Variants in SLC2A4 observed in about 807,000 individuals in gnomAD.
The protein encoded by SLC2A4 is solute carrier family 2 member 4.
Under a neutral mutation model 53.3 loss-of-function variants are expected in SLC2A4, and 31 were observed. That is an observed-to-expected ratio of 0.58 (90% CI 0.44 to 0.78). The LOEUF (loss-of-function observed/expected upper bound fraction) is 0.78, where lower values mean the gene tolerates loss of function less well. Among genes scored for constraint, SLC2A4 ranks in the 30% least tolerant of loss-of-function variants. The pLI is 0.00. For synonymous variants in SLC2A4, 276 were observed against 281.9 expected (o/e 0.98, Z 0.21); for missense variants, 538 against 655.7 (o/e 0.82, Z 1.96).
Position 7,282,430 on chromosome 17 carries a change from G to A in SLC2A4, c.33+463G>A, listed in dbSNP as rs1413380056. 1 of 457,530 alleles carries A rather than the reference G, an allele frequency of 2.2e-6. No homozygotes were observed. The highest frequency in any genetic ancestry group is 6.9e-5 in the East Asian group (1 of 14,478). The allele number at this position is 457,530 out of a possible 1,614,324, so 28.3% of individuals were successfully genotyped here. ...CGCTGAACTTTCCCTTGGCCCCATG[G>A]TTGGTGGAGGGGCAGAGGGGACTGT... On this transcript the variant is annotated intron_variant, in intron 1 of 10. Coordinates refer to ENST00000317370, the MANE Select transcript of SLC2A4 (RefSeq NM_001042.3). The surrounding 1 kb of genome is among the most constrained non-coding windows in gnomAD (Gnocchi z 4.1).
Position 7,285,176 on chromosome 17 carries a change from C to T in SLC2A4, c.1109C>T (p.Ala370Val). ...MCGCAILMTV[A>V]LLLLERVPAM... ...GGCTGTGCCATCCTGATGACTGTGG[C>T]TCTGCTCCTGCTGGTAAGGCCTGGA... Residue 370 changes from alanine (A) to valine (V), a missense_variant, in exon 9 of 11, where the codon GCT becomes GTT. Ala to Val is a moderately conservative substitution (Grantham distance 64, BLOSUM62 0). Coordinates refer to ENST00000317370, the MANE Select transcript of SLC2A4 (RefSeq NM_001042.3). The surrounding 1 kb of genome is among the most constrained non-coding windows in gnomAD (Gnocchi z 6.0). 2 of 1,599,264 alleles carry T rather than the reference C, an allele frequency of 1.3e-6. No homozygotes were observed. The highest frequency in any genetic ancestry group is 2.3e-5 in the South Asian group (2 of 88,508).
At position 7,281,997 on chromosome 17, in the gene SLC2A4, G is replaced by A. The variant is rs755882396; in HGVS notation, c.33+30G>A. 6 of 1,536,346 alleles carry A rather than the reference G, an allele frequency of 3.9e-6. No homozygotes were observed. The African/African-American group carries it at 6.8e-5, about 17-fold the overall frequency. Reference sequence around the variant, plus strand: ...GATTCATCATGAGGGGGCGGGGCGGGGGGGCACGGGTCCCGCTTTTCTTGG... The same window carrying A: ...GATTCATCATGAGGGGGCGGGGCGGAGGGGCACGGGTCCCGCTTTTCTTGG... On this transcript the variant is annotated intron_variant, in intron 1 of 10. Coordinates refer to ENST00000317370, the MANE Select transcript of SLC2A4 (RefSeq NM_001042.3).
Position 7,281,741 on chromosome 17 carries a change from A to T in SLC2A4, c.-194A>T. The T allele has an allele frequency of 1.6e-6, 1 of 644,884 alleles. No individual in the cohort carries two copies. The highest frequency in any genetic ancestry group is 2.8e-6 in the Non-Finnish European group (1 of 355,598). 39.9% of individuals were successfully genotyped at this position (644,884 alleles called of 1,614,324 possible). ...GCGTCTTTTCCCCCAGCCCCGCTCC[A>T]CCAGATCCGCGGGAGCCCCACTGCT... On this transcript the variant is annotated 5_prime_UTR_variant, in exon 1 of 11. Transcript: ENST00000317370.
chr17:7,283,541 T>A lies in SLC2A4; in HGVS notation c.219T>A (p.Pro73=). ...RQGPEGPSSI[P]PGTLTTLWAL... Reference sequence around the variant, plus strand: ...GGCCTGAGGGACCCAGCTCCATCCCTCCAGGCACCCTCACCACCCTCTGGG... The same window carrying A: ...GGCCTGAGGGACCCAGCTCCATCCCACCAGGCACCCTCACCACCCTCTGGG... Residue 73 remains proline, a synonymous_variant, in exon 3 of 11, where the codon CCT becomes CCA. Coordinates refer to ENST00000317370, the MANE Select transcript of SLC2A4 (RefSeq NM_001042.3). This position sits in a 1 kb window ranked among gnomAD's most constrained non-coding sequence, Gnocchi z 5.8. 6.2e-7 allele frequency: 1 copy of A among 1,613,892 alleles called. No individual in the cohort carries two copies. Among genetic ancestry groups the A allele is most frequent in the African/African-American group, 1.3e-5 (1 of 74,956 alleles).
At position 7,282,191 on chromosome 17, in the gene SLC2A4, G is replaced by A; in HGVS notation, c.33+224G>A. The A allele has an allele frequency of 1.6e-6, 1 of 626,324 alleles. No homozygotes were observed. Among genetic ancestry groups the A allele is most frequent in the South Asian group, 1.8e-5 (1 of 57,042 alleles). 38.8% of individuals were successfully genotyped at this position (626,324 alleles called of 1,614,324 possible). On this transcript the variant is annotated intron_variant, in intron 1 of 10. Transcript: ENST00000317370. This position sits in a 1 kb window ranked among gnomAD's most constrained non-coding sequence, Gnocchi z 4.1. Reference sequence around the variant, plus strand: ...GGGCCTTTCGGGGCACAGGCAGCAAGTGGATTCTGCGAGCCAGGGTTCACC... The same window carrying A: ...GGGCCTTTCGGGGCACAGGCAGCAAATGGATTCTGCGAGCCAGGGTTCACC...
Position 7,284,568 on chromosome 17 carries a change from C to T in SLC2A4, c.811C>T (p.Arg271Trp), listed in dbSNP as rs1442534782. The T allele has an allele frequency of 6.2e-7, 1 of 1,614,198 alleles. No homozygotes were observed. The highest frequency in any genetic ancestry group is 1.6e-4 in the Middle Eastern group (1 of 6,062). The change falls in exon 7 of 11, where the codon CGG becomes TGG. Residue 271 changes from arginine to tryptophan, a missense_variant. Physicochemically the swap from Arg to Trp is moderately radical, Grantham distance 101. Coordinates refer to ENST00000317370, the MANE Select transcript of SLC2A4 (RefSeq NM_001042.3). The surrounding 1 kb of genome is among the most constrained non-coding windows in gnomAD (Gnocchi z 7.5). ...KDEKRKLERE[R>W]PLSLLQLLGS... The stretch of plus-strand genomic sequence containing the variant: ...TGAGAAGCGGAAGCTGGAGCGTGAG[C>T]GGCCACTGTCCCTGCTCCAGCTCCT...
chr17:7,284,166 T>C lies in SLC2A4; in HGVS notation c.565-51T>C. ...TGGAGAATATGGTGGGCTTCCAAGG[T>C]AAGGCAGAAGGGCTGAGTGACCTGC... On this transcript the variant is annotated intron_variant, in intron 5 of 10. Transcript: ENST00000317370. This position sits in a 1 kb window ranked among gnomAD's most constrained non-coding sequence, Gnocchi z 7.5. The C allele has an allele frequency of 6.2e-7, 1 of 1,611,216 alleles. No homozygotes were observed. Among genetic ancestry groups the C allele is most frequent in the South Asian group, 1.1e-5 (1 of 91,068 alleles).
Position 7,283,762 on chromosome 17 carries a change from T to C in SLC2A4, c.348T>C (p.Asn116=). 1 of 1,614,082 alleles carries C rather than the reference T, an allele frequency of 6.2e-7. No homozygotes were observed. Among genetic ancestry groups the C allele is most frequent in the Non-Finnish European group, 8.5e-7 (1 of 1,180,014 alleles). Residue 116 remains asparagine, a synonymous_variant, in exon 4 of 11, where the codon AAT becomes AAC. Coordinates refer to ENST00000317370, the MANE Select transcript of SLC2A4 (RefSeq NM_001042.3). The surrounding 1 kb of genome is among the most constrained non-coding windows in gnomAD (Gnocchi z 5.8). ...GGAAAAGGGCCATGCTGGTCAACAA[T>C]GTCCTGGCGGTGCTGGGGGGCAGCC... ...LGRKRAMLVN[N]VLAVLGGSLM...
Position 7,283,782 on chromosome 17 carries a change from G to T in SLC2A4, c.368G>T (p.Gly123Val). 1.2e-6 allele frequency: 2 copies of T among 1,614,044 alleles called. No individual in the cohort carries two copies. Among genetic ancestry groups the T allele is most frequent in the South Asian group, 2.2e-5 (2 of 91,086 alleles). The stretch of plus-strand genomic sequence containing the variant: ...AACAATGTCCTGGCGGTGCTGGGGG[G>T]CAGCCTCATGGGCCTGGCCAATGCT... Reference protein sequence around the residue: ...LVNNVLAVLGGSLMGLANAAA... With the variant: ...LVNNVLAVLGVSLMGLANAAA... The change falls in exon 4 of 11, where the codon GGC becomes GTC. Residue 123 changes from glycine (G) to valine (V), a missense_variant. By Grantham distance (109) the Gly-to-Val change is moderately radical. Transcript: ENST00000317370. The surrounding 1 kb of genome is among the most constrained non-coding windows in gnomAD (Gnocchi z 5.8).
rs983393692 is a variant in SLC2A4, at chr17:7,281,876, C to T, written c.-59C>T. 8 of 1,555,110 alleles carry T rather than the reference C, an allele frequency of 5.1e-6. No homozygotes were observed. Among genetic ancestry groups the T allele is most frequent in the East Asian group, 2.4e-5 (1 of 42,446 alleles). On this transcript the variant is annotated 5_prime_UTR_variant, in exon 1 of 11. Transcript: ENST00000317370. Reference sequence around the variant, plus strand: ...CTGCGCTCCAGGCCGGAGTCAGAGACTCCAGGATCGGTTCTTTCATCTTCG... The same window carrying T: ...CTGCGCTCCAGGCCGGAGTCAGAGATTCCAGGATCGGTTCTTTCATCTTCG...
Position 7,281,909 on chromosome 17 carries a change from T to G in SLC2A4, c.-26T>G, listed in dbSNP as rs2072405097. 1 of 1,507,846 alleles carries G rather than the reference T, an allele frequency of 6.6e-7. No homozygotes were observed. Among genetic ancestry groups the G allele is most frequent in the Admixed American group, 1.8e-5 (1 of 55,068 alleles). 93.4% of individuals were successfully genotyped at this position (1,507,846 alleles called of 1,614,324 possible). On this transcript the variant is annotated 5_prime_UTR_variant, in exon 1 of 11. Coordinates refer to ENST00000317370, the MANE Select transcript of SLC2A4 (RefSeq NM_001042.3). The stretch of plus-strand genomic sequence containing the variant: ...TCGGTTCTTTCATCTTCGCCGCCCC[T>G]GCGCGTCCAGCTCTTCTAAGACGAG...
At position 7,285,088 on chromosome 17, in the gene SLC2A4, G is replaced by T; in HGVS notation, c.1021G>T (p.Val341Leu). The change falls in exon 9 of 11, where the codon GTG becomes TTG. Residue 341 changes from valine (V) to leucine (L), a missense_variant and splice_region_variant. Transcript: ENST00000317370. The surrounding 1 kb of genome is among the most constrained non-coding windows in gnomAD (Gnocchi z 6.0). Reference protein sequence around the residue: ...VVNTVFTLVSVLLVERAGRRT... With the variant: ...VVNTVFTLVSLLLVERAGRRT... ...GGTCAAGCTCCGACTCTCCCCGCAGGTGTTGTTGGTGGAGCGGGCGGGGCG... is the reference window on the plus strand; with the variant it reads ...GGTCAAGCTCCGACTCTCCCCGCAGTTGTTGTTGGTGGAGCGGGCGGGGCG... The T allele has an allele frequency of 6.2e-6, 10 of 1,607,004 alleles. No individual in the cohort carries two copies. The highest frequency in any genetic ancestry group is 7.6e-6 in the Non-Finnish European group (9 of 1,177,592).
rs1008884475 is a variant in SLC2A4 at position 7,283,133 on chromosome 17, A to T, written c.34-112A>T. 1 of 853,720 alleles carries T rather than the reference A, an allele frequency of 1.2e-6. No individual in the cohort carries two copies. Among genetic ancestry groups the T allele is most frequent in the African/African-American group, 1.7e-5 (1 of 60,386 alleles). 52.9% of individuals were successfully genotyped at this position (853,720 alleles called of 1,614,324 possible). A position where few individuals can be genotyped will look rare whatever the true frequency, so the allele number is the denominator to read the frequency against. ...TATGGCCCAGTTTCCCTCACCCAAC[A>T]TGTTGGGTGGAGCCCAGTATCTTCA... On this transcript the variant is annotated intron_variant, in intron 1 of 10. Coordinates refer to ENST00000317370, the MANE Select transcript of SLC2A4 (RefSeq NM_001042.3). The surrounding 1 kb of genome is among the most constrained non-coding windows in gnomAD (Gnocchi z 5.8).
At position 7,281,830 on chromosome 17, in the gene SLC2A4, C is replaced by A; in HGVS notation, c.-105C>A. ...CCCGCCCTCGCACGTCACTCCGGGA[C>A]CCCCGCGGCCTCCGCAGGTTCTGCG... On this transcript the variant is annotated 5_prime_UTR_variant, in exon 1 of 11. Transcript: ENST00000317370. 2 of 1,224,430 alleles carry A rather than the reference C, an allele frequency of 1.6e-6. No homozygotes were observed. Among genetic ancestry groups the A allele is most frequent in the Non-Finnish European group, 2.4e-6 (2 of 850,236 alleles). 75.8% of individuals were successfully genotyped at this position (1,224,430 alleles called of 1,614,324 possible).
chr17:7,286,107 C>T (rs1045456010), intron 10 of SLC2A4, 199 bp downstream of exon 10: 27 of 617,746 alleles, frequency 4.4e-5, no homozygotes, highest in Non-Finnish European at 6.0e-5. Context: ...GTGTCTGAAA[C>T]GCACCAGTGG....
rs533607133 is a variant in SLC2A4, at chr17:7,285,906, G to T, written c.1324G>T (p.Ala442Ser). Residue 442 changes from alanine (A) to serine (S), a missense_variant and splice_region_variant, in exon 10 of 11, where the codon GCG becomes TCG. Coordinates refer to ENST00000317370, the MANE Select transcript of SLC2A4 (RefSeq NM_001042.3). This position sits in a 1 kb window ranked among gnomAD's most constrained non-coding sequence, Gnocchi z 6.0. ...CATTGGCATGGGTTTCCAGTATGTT[G>T]CGGTAGGTCCCCCCGCCCCAGCCTC... Reference protein sequence around the residue: ...FIIGMGFQYVAEAMGPYVFLL... With the variant: ...FIIGMGFQYVSEAMGPYVFLL... 1 of 1,611,644 alleles carries T rather than the reference G, an allele frequency of 6.2e-7. No individual in the cohort carries two copies. Among genetic ancestry groups the T allele is most frequent in the East Asian group, 2.2e-5 (1 of 44,824 alleles).
In SLC2A4 at chr17:7,283,219, C is replaced by T. The variant is rs767051481; in HGVS notation, c.34-26C>T. ...AAAAATCATGGTTCCATGTGACATG[C>T]TGTGTCTTTGTGTCTGCCTGTTCAG... On this transcript the variant is annotated intron_variant, in intron 1 of 10. Transcript: ENST00000317370. This position sits in a 1 kb window ranked among gnomAD's most constrained non-coding sequence, Gnocchi z 5.8. 7 of 1,572,082 alleles carry T rather than the reference C, an allele frequency of 4.5e-6. No homozygotes were observed. The East Asian group carries it at 1.3e-4, about 30-fold the overall frequency.
chr17:7,284,769 C>G lies in SLC2A4; in HGVS notation c.916-66C>G, dbSNP rs543007800. On this transcript the variant is annotated intron_variant, in intron 7 of 10. Transcript: ENST00000317370. This position sits in a 1 kb window ranked among gnomAD's most constrained non-coding sequence, Gnocchi z 7.5. ...CCACCAACACCCAGGGTAGGGCCAG[C>G]CTGTTGTGGCTGGAGTAGAGGAAGG... is the stretch of plus-strand genomic sequence containing the variant. 3.7e-6 allele frequency: 6 copies of G among 1,610,716 alleles called. No individual in the cohort carries two copies. The East Asian group carries it at 8.9e-5, about 24-fold the overall frequency.
chr17:7,284,562 C>T lies in SLC2A4; in HGVS notation c.805C>T (p.Arg269Cys), dbSNP rs750952410. ...GAAGGATGAGAAGCGGAAGCTGGAG[C>T]GTGAGCGGCCACTGTCCCTGCTCCA... ...ELKDEKRKLE[R>C]ERPLSLLQLL... Residue 269 changes from arginine to cysteine, a missense_variant, in exon 7 of 11, where the codon CGT becomes TGT. Arg to Cys is a radical substitution (Grantham distance 180). Transcript: ENST00000317370. This position sits in a 1 kb window ranked among gnomAD's most constrained non-coding sequence, Gnocchi z 7.5. 25 of 1,614,108 alleles carry T rather than the reference C, an allele frequency of 1.5e-5. No homozygotes were observed. The highest frequency in any genetic ancestry group is 1.5e-4 in the African/African-American group (11 of 74,950).
Sources: allele counts gnomAD v4.1 joint callset, GRCh38; gene constraint gnomAD v4.1.1; non-coding constraint Gnocchi (gnomAD v3.1); transcripts MANE v1.5; gene names NCBI Gene and HGNC (gene_info 2026-07-23, HGNC 2026-07-21).